Variants in NAV2 observed in about 807,000 individuals in gnomAD.
NAV2 encodes the protein helicase, APC down-regulated 1.
NAV2 carries 54 observed loss-of-function variants against 223.2 expected under a neutral mutation model. The observed-to-expected ratio is 0.24, with a 90% CI of 0.19 to 0.30. The LOEUF is 0.30. NAV2 is among the 10% of genes least tolerant of loss of function. The pLI is 1.00. For synonymous variants in NAV2, 1,279 were observed against 1,239.3 expected, an observed-to-expected ratio of 1.03 and a Z score of -0.67; for missense variants, 2,806 against 3,147.5, an observed-to-expected ratio of 0.89 and a Z score of 2.60.
intron 1 of NAV2, among the ~76,000 whole-genome samples, chr11:19,744,138 G>T (rs749740911): frequency 1.3e-5 from 2 of 152,228 alleles, no homozygotes. Context: ...GCTTACAGAG[G>T]TTCAGTCACT....
chr11:19,733,046 G>A (rs1362409708), intron 1 of NAV2, among the ~76,000 whole-genome samples: 2 of 152,238 alleles, frequency 1.3e-5, no homozygotes, highest in Non-Finnish European at 2.9e-5. Flanking sequence ...GGCTGGGGGT[G>A]AGCCTCTCAC....
At chr11:19,851,438 G>T (rs550962333) in intron 3 of NAV2, among the ~76,000 whole-genome samples, 5 of 152,320 alleles carry the variant, frequency 3.3e-5, no homozygotes, top group African/African-American at 9.6e-5. Flanking sequence ...AGAAGAATAA[G>T]CATGGGCTCT....
chr11:20,027,225 C>T (rs1336075537), intron 11 of NAV2: 17 of 976,878 alleles, frequency 1.7e-5, no homozygotes, highest in Non-Finnish European at 2.1e-5. Flanking sequence ...CAAACCCTTT[C>T]TCTTCCCCAG....
chr11:19,959,308 C>T (rs1373126970), intron 10 of NAV2, among the ~76,000 whole-genome samples: 1 of 152,168 alleles, frequency 6.6e-6, no homozygotes, highest in Non-Finnish European at 1.5e-5. Flanking sequence ...ACTCAGGGCG[C>T]AGAGGGGAAG....
chr11:19,543,644 C>T (rs2044400096), intron 1 of NAV2, among the ~76,000 whole-genome samples: 1 of 152,186 alleles, frequency 6.6e-6, no homozygotes, highest in African/African-American at 2.4e-5. Flanking sequence ...TATGAGCTTG[C>T]CTTCCTTTGT....
At chr11:20,057,464 G>A (rs563811412) in intron 19 of NAV2, among the ~76,000 whole-genome samples, 20 of 152,296 alleles carry the variant, frequency 1.3e-4, no homozygotes, top group African/African-American at 4.6e-4. Context: ...GGAGAAGCCT[G>A]AGTCACTGAG....
chr11:19,924,858 C>T (rs938062529), intron 6 of NAV2, among the ~76,000 whole-genome samples: 6 of 152,154 alleles, frequency 3.9e-5, no homozygotes, highest in Non-Finnish European at 8.8e-5. Context: ...ATTTTTCTAA[C>T]CACCATTTCA....
chr11:19,612,724 C>A (rs1189834155), intron 1 of NAV2, among the ~76,000 whole-genome samples: 1 of 152,148 alleles, frequency 6.6e-6, no homozygotes, highest in Non-Finnish European at 1.5e-5. Flanking sequence ...TGGGCAAAAC[C>A]ATTCAACAAG....
At chr11:19,788,555 C>T (rs1391904238) in intron 1 of NAV2, among the ~76,000 whole-genome samples, 5 of 152,226 alleles carry the variant, frequency 3.3e-5, no homozygotes, top group African/African-American at 1.2e-4. Flanking sequence ...CATAGTTTCA[C>T]TATTGCCTGC....
At chr11:20,036,584 G>T (rs1232711127) in intron 12 of NAV2, among the ~76,000 whole-genome samples, 2 of 152,064 alleles carry the variant, frequency 1.3e-5, no homozygotes, top group Non-Finnish European at 2.9e-5. Flanking sequence ...TCTGTCTCTG[G>T]GTTACATTCC....
intron 1 of NAV2, among the ~76,000 whole-genome samples, chr11:19,691,037 A>G (rs893669113): frequency 6.6e-6 from 1 of 152,198 alleles, no homozygotes; most frequent in Non-Finnish European, 1.5e-5. Context: ...TTTTTGTACA[A>G]GTGAATCACC....
chr11:19,442,964 C>G (rs1357209060), intron 1 of NAV2, among the ~76,000 whole-genome samples: 3 of 152,072 alleles, frequency 2.0e-5, no homozygotes, highest in Non-Finnish European at 2.9e-5. Flanking sequence ...AGATGCAGTC[C>G]CGCCCAAAGA....
intron 1 of NAV2, among the ~76,000 whole-genome samples, chr11:19,545,467 C>T (rs1030059176): frequency 7.9e-5 from 12 of 151,950 alleles, no homozygotes; most frequent in Non-Finnish European, 7.4e-5. Flanking sequence ...GCAGTGGTGT[C>T]CCTTTGAGGT....
chr11:19,345,770 G>A (rs1852973119), upstream of NAV2, among the ~76,000 whole-genome samples: 1 of 152,236 alleles, frequency 6.6e-6, no homozygotes, highest in African/African-American at 2.4e-5. The surrounding 1 kb of genome is among the most constrained non-coding windows in gnomAD (Gnocchi z 5.2). Context: ...GCCCCTATCC[G>A]GAGTGGGTGT....
chr11:19,588,283 C>A lies in NAV2; in HGVS notation c.75+237256C>A, dbSNP rs56740011. Among the ~76,000 whole-genome samples the A allele has an allele frequency of 9.8e-3, 1,494 of 152,286 alleles. 15 individuals are homozygous for A. The highest frequency in any genetic ancestry group is 0.04 in the South Asian group (192 of 4,818). On this transcript the variant is annotated intron_variant, in intron 1 of 37. Coordinates refer to the NAV2 transcript ENST00000360655. ...TCCATTTTACAAATTGATTTCATTA[C>A]AGAGAAATTTAAAATTATATAAATT...
At chr11:19,733,034 G>T (rs529788196) in intron 1 of NAV2, among the ~76,000 whole-genome samples, 42 of 152,356 alleles carry the variant, frequency 2.8e-4, no homozygotes, top group African/African-American at 9.6e-4. Flanking sequence ...TTTCTAGGGA[G>T]CGGCTGGGGG....
chr11:19,617,118 T>G (rs993048866), intron 1 of NAV2, among the ~76,000 whole-genome samples: 19 of 152,172 alleles, frequency 1.2e-4, no homozygotes, highest in African/African-American at 4.1e-4. Context: ...GATTTCTGAC[T>G]GGAGCAGCAG....
In NAV2 at chr11:20,050,856, T is replaced by C. The variant is rs563127325; in HGVS notation, c.4437-433T>C. On this transcript the variant is annotated intron_variant, in intron 16 of 37. Coordinates refer to ENST00000349880, the MANE Select transcript of NAV2 (RefSeq NM_145117.5). ...AAGTCTGTTCTCCCATTTGAAGTCA[T>C]TGCCAGTGGCATTTAGGGGGTGGGC... Among the ~76,000 whole-genome samples the C allele has an allele frequency of 1.1e-4, 17 of 152,342 alleles. No individual in the cohort carries two copies. The South Asian group carries it at 3.5e-3, about 32-fold the overall frequency.
intron 1 of NAV2, among the ~76,000 whole-genome samples, chr11:19,746,625 T>C (rs1357544295): frequency 6.6e-6 from 1 of 152,178 alleles, no homozygotes; most frequent in Non-Finnish European, 1.5e-5. Flanking sequence ...ATGGATTTAT[T>C]CCTTTTTAAT....
Sources: gnomAD v4.1 joint callset for allele counts (sites outside exome capture counted in the v4.1 genomes callset) on GRCh38, gnomAD v4.1.1 for gene constraint, Gnocchi (gnomAD v3.1) non-coding constraint, MANE v1.5 for transcripts, NCBI Gene and HGNC (gene_info 2026-07-23, HGNC 2026-07-21) for gene names.